The following GRM7 variants were observed in gnomAD, a reference collection of about 807,000 sequenced individuals.
The protein encoded by GRM7 is glutamate metabotropic receptor 7.
In GRM7, 35 loss-of-function variants were observed where a neutral mutation model predicts 84.5. The ratio of observed to expected loss-of-function variants is 0.41; its 90% CI spans 0.32 to 0.55. The LOEUF (loss-of-function observed/expected upper bound fraction) is 0.55. Among genes scored for constraint, GRM7 ranks in the 20% least tolerant of loss-of-function variants. The pLI is 0.19. For missense variants in GRM7, 1,003 were observed against 1,194.6 expected (o/e 0.84, Z 2.36); for synonymous variants, 487 against 455.1 (o/e 1.07, Z -0.89).
chr3:7,363,266 A>G (rs951132749), intron 4 of GRM7, among the ~76,000 whole-genome samples: 7 of 152,106 alleles, frequency 4.6e-5, no homozygotes, highest in South Asian at 2.1e-4. Flanking sequence ...CACAAAAGCC[A>G]TGGTTGCTAT....
chr3:6,949,909 G>T (rs1344806341), intron 1 of GRM7, among the ~76,000 whole-genome samples: 1 of 152,150 alleles, frequency 6.6e-6, no homozygotes, highest in Non-Finnish European at 1.5e-5. Context: ...AGCTCCATCA[G>T]TTCCTTTAAC....
intron 7 of GRM7, among the ~76,000 whole-genome samples, chr3:7,509,369 A>G: frequency 6.6e-6 from 1 of 152,200 alleles, no homozygotes. Flanking sequence ...GTTTGAAAAA[A>G]CATAGTAGAC....
At chr3:7,279,247 G>A (rs1030859438) in intron 2 of GRM7, among the ~76,000 whole-genome samples, 5 of 152,232 alleles carry the variant, frequency 3.3e-5, no homozygotes, top group Admixed American at 3.3e-4. Flanking sequence ...CATAATAAAG[G>A]TGTGAACATG....
chr3:7,656,225 C>T (rs1296667521), intron 8 of GRM7, among the ~76,000 whole-genome samples: 1 of 152,108 alleles, frequency 6.6e-6, no homozygotes, highest in Non-Finnish European at 1.5e-5. Flanking sequence ...CGCGATGGCT[C>T]ACTCCTGTAA....
intron 4 of GRM7, among the ~76,000 whole-genome samples, chr3:7,398,483 C>T (rs756688808): frequency 1.3e-5 from 2 of 152,074 alleles, no homozygotes; most frequent in Non-Finnish European, 2.9e-5. Flanking sequence ...ATGCAATGGG[C>T]TATCCCTAAG....
At chr3:7,730,277 A>T (rs1381907852) in intron 9 of GRM7, among the ~76,000 whole-genome samples, 1 of 152,142 alleles carries the variant, frequency 6.6e-6, no homozygotes, top group Non-Finnish European at 1.5e-5. Flanking sequence ...AAGTGCTGGG[A>T]TTACAAGCGT....
intron 2 of GRM7, among the ~76,000 whole-genome samples, chr3:7,224,807 G>C (rs1189861475): frequency 6.6e-6 from 1 of 151,932 alleles, no homozygotes; most frequent in African/African-American, 2.4e-5. Context: ...ATGTGTAGTG[G>C]GAGGGGTGCA....
chr3:7,424,353 G>A (rs2124834366), intron 5 of GRM7, among the ~76,000 whole-genome samples: 1 of 151,566 alleles, frequency 6.6e-6, no homozygotes, highest in Non-Finnish European at 1.5e-5. Context: ...GACTTAAGTA[G>A]CCCATCTTTC....
chr3:7,203,872 G>A (rs575399184), intron 2 of GRM7, among the ~76,000 whole-genome samples: 2 of 152,270 alleles, frequency 1.3e-5, no homozygotes, highest in South Asian at 2.1e-4. Flanking sequence ...GATATTTGAT[G>A]TTAGATTGAT....
chr3:6,976,283 G>A (rs1693993003), intron 1 of GRM7, among the ~76,000 whole-genome samples: 2 of 152,186 alleles, frequency 1.3e-5, no homozygotes, highest in African/African-American at 4.8e-5. Context: ...ACTAGATGTT[G>A]TAGAGAAAAT....
At chr3:7,477,613 GT>G (rs1202661122) in intron 7 of GRM7, among the ~76,000 whole-genome samples, 2 of 152,156 alleles carry the variant, frequency 1.3e-5, no homozygotes, top group African/African-American at 4.8e-5. Context: ...ATCTCACTTT[GT>G]TTCTTTCTGA....
At chr3:7,496,078 A>G (rs1699692262) in intron 7 of GRM7, among the ~76,000 whole-genome samples, 1 of 152,196 alleles carries the variant, frequency 6.6e-6, no homozygotes, top group African/African-American at 2.4e-5. Context: ...TATCAGTAGT[A>G]GAATGTGGAA....
chr3:7,508,247 G>T (rs769658430), intron 7 of GRM7, among the ~76,000 whole-genome samples: 2 of 152,074 alleles, frequency 1.3e-5, no homozygotes, highest in Non-Finnish European at 2.9e-5. Context: ...GTGAAAATCA[G>T]ATTTATAATT....
chr3:6,870,992 C>T (rs1163192354), intron 1 of GRM7, among the ~76,000 whole-genome samples: 5 of 152,112 alleles, frequency 3.3e-5, no homozygotes, highest in Middle Eastern at 3.4e-3. Context: ...TATCCGAAAG[C>T]GTTATTTTAA....
At chr3:7,095,021 C>T (rs6792380) in intron 1 of GRM7, among the ~76,000 whole-genome samples, 4,154 of 151,518 alleles carry the variant, frequency 0.027, 189 homozygotes, top group African/African-American at 0.096. Context: ...TGGCCCATCC[C>T]TGTTGCATTA....
At chr3:7,170,321 T>C (rs1428849617) in intron 2 of GRM7, among the ~76,000 whole-genome samples, 1 of 152,192 alleles carries the variant, frequency 6.6e-6, no homozygotes, top group Non-Finnish European at 1.5e-5. Context: ...CCCCAAGCCA[T>C]GTACAAGTGG....
At chr3:7,598,734 G>T (rs974307392) in intron 8 of GRM7, among the ~76,000 whole-genome samples, 1 of 152,210 alleles carries the variant, frequency 6.6e-6, no homozygotes, top group Non-Finnish European at 1.5e-5. Context: ...TTCAAAGTGG[G>T]CTGGGTACAG....
chr3:7,484,899 C>G (rs922922170), intron 7 of GRM7, among the ~76,000 whole-genome samples: 1 of 152,152 alleles, frequency 6.6e-6, no homozygotes, highest in African/African-American at 2.4e-5. Context: ...TACAAAAAGA[C>G]TGTGGTGTCT....
rs370702148 is a variant in GRM7, at chr3:7,175,825, G to A, written c.736+29157G>A. The stretch of plus-strand genomic sequence containing the variant: ...AGTGCTGGGATTACAGGTGTGAGCC[G>A]CTGCACCCATCCAAAATTTTGCATT... On this transcript the variant is annotated intron_variant, in intron 2 of 9. Coordinates refer to ENST00000357716, the MANE Select transcript of GRM7 (RefSeq NM_000844.4). 7.8e-4 allele frequency among the ~76,000 whole-genome samples: 118 copies of A among 152,114 alleles called. No individual in the cohort carries two copies. The East Asian group carries it at 7.9e-3, about 10-fold the overall frequency.
Sources: allele counts gnomAD v4.1 joint callset (sites outside exome capture counted in the v4.1 genomes callset), GRCh38; gene constraint gnomAD v4.1.1; transcripts MANE v1.5; gene names NCBI Gene and HGNC (gene_info 2026-07-23, HGNC 2026-07-21).